CDKL4: variants seen among roughly 807,000 people sequenced by gnomAD.
The protein encoded by CDKL4 is cyclin-dependent kinase-like 4.
CDKL4 carries 44 observed loss-of-function variants against 42.0 expected under a neutral mutation model. That is an observed-to-expected ratio of 1.05 (90% CI 0.82 to 1.35). The LOEUF (loss-of-function observed/expected upper bound fraction) is 1.35, where lower values mean the gene tolerates loss of function less well. CDKL4 is among the 40% of genes most tolerant of loss of function. The probability of loss-of-function intolerance (pLI) is 0.00; values close to 1 mark genes in which losing one functional copy is unlikely to be tolerated. For missense variants in CDKL4, 393 were observed against 369.9 expected (o/e 1.06, Z -0.51); for synonymous variants, 120 against 121.6 (o/e 0.99, Z 0.09).
rs1679764064 is a variant in CDKL4 at position 39,243,454 on chromosome 2, T to C, written c.-57+417A>G. 2.6e-5 allele frequency among the ~76,000 whole-genome samples: 4 copies of C among 152,262 alleles called. No individual in the cohort carries two copies. The South Asian group carries it at 6.2e-4, about 24-fold the overall frequency. On this transcript the variant is annotated intron_variant, in intron 1 of 9. Coordinates refer to ENST00000451199, the Ensembl canonical transcript of CDKL4. ...TACCACATAATTATACAAAATCCGA[T>C]AAAGTAATTTTGTTTAAATATATCA...
chr2:39,202,634 T>C (rs1367658787), intron 5 of CDKL4, among the ~76,000 whole-genome samples: 2 of 108,136 alleles, frequency 1.8e-5, no homozygotes, highest in Non-Finnish European at 4.0e-5. Flanking sequence ...TTTTTGTCTA[T>C]GTTTTCTTTT....
At chr2:39,244,754 C>T (rs1240096374), upstream of CDKL4, among the ~76,000 whole-genome samples, 11 of 152,224 alleles carry the variant, frequency 7.2e-5, no homozygotes, top group Non-Finnish European at 1.3e-4. Context: ...CTGGTGGGGA[C>T]GTGGAGAACA....
chr2:39,192,530 TAA>T lies in CDKL4; in HGVS notation c.455-2030_455-2029del, dbSNP rs200118984. 9.1e-3 allele frequency among the ~76,000 whole-genome samples: 479 copies of T among 52,444 alleles called. 3 individuals are homozygous for T. The highest frequency in any genetic ancestry group is 0.021 in the South Asian group (30 of 1,452). The allele number at this position is 52,444 out of a possible 152,430, so 34.4% of individuals were successfully genotyped here. ...GGCTTGAAACCATGCCTGGTTAATT[TAA>T]AAAAAAATTTTTTTTTTTTTGTATA... On this transcript the variant is annotated intron_variant, in intron 5 of 9. Coordinates refer to ENST00000451199, the Ensembl canonical transcript of CDKL4.
chr2:39,190,555 G>A (rs1676123665), intron 5 of CDKL4, 53 bp from the exon 6 acceptor site: 1 of 1,492,246 alleles, frequency 6.7e-7, no homozygotes, highest in Non-Finnish European at 9.3e-7. Flanking sequence ...CATGTGAACT[G>A]CTCCCAAGAA....
At chr2:39,240,641 A>G (rs1022231581) in intron 1 of CDKL4, among the ~76,000 whole-genome samples, 9 of 151,568 alleles carry the variant, frequency 5.9e-5, no homozygotes, top group African/African-American at 1.9e-4. Context: ...ATTCAGCAAC[A>G]AAAAGGAATG....
chr2:39,214,806 C>A (rs1572997200), intron 3 of CDKL4, among the ~76,000 whole-genome samples: 5 of 152,136 alleles, frequency 3.3e-5, no homozygotes, highest in African/African-American at 1.2e-4. Context: ...ATAAGGATCC[C>A]ATAAGAATGA....
At chr2:39,245,781 G>C (rs1042324944), upstream of CDKL4, among the ~76,000 whole-genome samples, 1 of 152,106 alleles carries the variant, frequency 6.6e-6, no homozygotes, top group Non-Finnish European at 1.5e-5. Flanking sequence ...ATTACTTTTC[G>C]GTCTTGTTTA....
chr2:39,227,285 C>T (rs1337734854), intron 2 of CDKL4, among the ~76,000 whole-genome samples: 4 of 152,162 alleles, frequency 2.6e-5, no homozygotes, highest in African/African-American at 9.7e-5. Context: ...TGAGAGAGAA[C>T]ACAGCATTTT....
chr2:39,245,847 A>G (rs1679892953), upstream of CDKL4, among the ~76,000 whole-genome samples: 1 of 152,228 alleles, frequency 6.6e-6, no homozygotes, highest in African/African-American at 2.4e-5. Context: ...AAAAGCAGCT[A>G]TGGATCAGAG....
At chr2:39,171,236 C>CAA (rs78615242), downstream of CDKL4, among the ~76,000 whole-genome samples, 46 of 81,718 alleles carry the variant, frequency 5.6e-4, no homozygotes, top group African/African-American at 1.8e-3. Context: ...GAGACCGTCT[C>CAA]AAAAAAAAAA....
At chr2:39,179,430 C>G in intron 8 of CDKL4, 109 bp from the exon 9 acceptor site, 1 of 927,630 alleles carries the variant, frequency 1.1e-6, no homozygotes, top group Non-Finnish European at 1.6e-6. Flanking sequence ...AGAAAATCTT[C>G]CAGTTTGTGT....
At chr2:39,176,411 T>A (rs764512223) in intron 9 of CDKL4, among the ~76,000 whole-genome samples, 1 of 152,162 alleles carries the variant, frequency 6.6e-6, no homozygotes, top group African/African-American at 2.4e-5. Context: ...GGAGACTACA[T>A]TGTACCCACC....
rs572122243 is a variant in CDKL4 at position 39,197,732 on chromosome 2, G to A, written c.454+6795C>T. ...ATCAGCCAAGAATTTTGTATCTAGT[G>A]AAACTAAGCTTCATAAATTAAGGAA... is the stretch of plus-strand genomic sequence containing the variant. On this transcript the variant is annotated intron_variant, in intron 5 of 9. Transcript: ENST00000451199. Among the ~76,000 whole-genome samples, 329 of 152,188 alleles carry A rather than the reference G, an allele frequency of 2.2e-3. 1 individual carries two copies. The highest frequency in any genetic ancestry group is 7.3e-3 in the African/African-American group (304 of 41,518).
rs114997520 is a variant in CDKL4 at position 39,177,991 on chromosome 2, A to G, written c.927+1196T>C. On this transcript the variant is annotated intron_variant, in intron 9 of 9. Coordinates refer to ENST00000451199, the Ensembl canonical transcript of CDKL4. ...GGTGTGAGCCACCGCGCCAGCTGAG[A>G]TGTTTTTAACAGGAGAGTGTCCTTT... Among the ~76,000 whole-genome samples the G allele has an allele frequency of 9.1e-3, 1,393 of 152,316 alleles. 10 individuals are homozygous for G. Among genetic ancestry groups the G allele is most frequent in the Non-Finnish European group, 0.014 (928 of 68,022 alleles).
chr2:39,185,407 TATATATAC>T lies in CDKL4; in HGVS notation c.736-768_736-761del, dbSNP rs1449629097. Among the ~76,000 whole-genome samples, 6 of 18,176 alleles carry T rather than the reference TATATATAC, an allele frequency of 3.3e-4. 2 individuals are homozygous for T. Among genetic ancestry groups the T allele is most frequent in the African/African-American group, 5.9e-4 (6 of 10,146 alleles). 11.9% of individuals were successfully genotyped at this position (18,176 alleles called of 152,430 possible). A position where few individuals can be genotyped will look rare whatever the true frequency, so the allele number is the denominator to read the frequency against. On this transcript the variant is annotated intron_variant, in intron 7 of 9. Coordinates refer to ENST00000451199, the Ensembl canonical transcript of CDKL4. ...ATATACATGTATATATACATATGTG[TATATATAC>T]ATATATATATACATATGTATATATA...
At chr2:39,177,506 G>A (rs2148275755) in intron 9 of CDKL4, among the ~76,000 whole-genome samples, 1 of 150,988 alleles carries the variant, frequency 6.6e-6, no homozygotes, top group African/African-American at 2.4e-5. Flanking sequence ...CAGGGTTTAA[G>A]CGATTCTCCT....
chr2:39,215,448 G>A (rs145200937), intron 3 of CDKL4, among the ~76,000 whole-genome samples: 5 of 152,050 alleles, frequency 3.3e-5, no homozygotes, highest in East Asian at 1.9e-4. Context: ...ATGGAGATGC[G>A]GCTGTTGTTT....
chr2:39,237,003 A>T (rs1395497881), intron 1 of CDKL4, among the ~76,000 whole-genome samples: 6 of 152,254 alleles, frequency 3.9e-5, no homozygotes, highest in Non-Finnish European at 8.8e-5. Flanking sequence ...CTATTTGAAA[A>T]CATAGAAGAG....
chr2:39,240,147 C>T lies in CDKL4; in HGVS notation c.-57+3724G>A, dbSNP rs532548675. Among the ~76,000 whole-genome samples, 376 of 151,784 alleles carry T rather than the reference C, an allele frequency of 2.5e-3. 17 individuals are homozygous for T. In the South Asian group the frequency reaches 0.075, roughly 30 times the overall value. ...ATTAACCGCCAGGCGTGGTGGCTCA[C>T]GCCTGTAATCCCAGCACTTTGGGAG... On this transcript the variant is annotated intron_variant, in intron 1 of 9. Transcript: ENST00000451199.
Sources: allele counts gnomAD v4.1 joint callset (sites outside exome capture counted in the v4.1 genomes callset), GRCh38; gene constraint gnomAD v4.1.1; transcripts MANE v1.5; gene names NCBI Gene and HGNC (gene_info 2026-07-23, HGNC 2026-07-21).